MICU2: variants seen among roughly 807,000 people sequenced by gnomAD.
The protein encoded by MICU2 is calcium uptake protein 2, mitochondrial.
Under a neutral mutation model 60.4 loss-of-function variants are expected in MICU2, and 64 were observed. The observed-to-expected ratio is 1.06, with a 90% CI of 0.87 to 1.31. The LOEUF (loss-of-function observed/expected upper bound fraction) is 1.31. MICU2 is among the 50% of genes most tolerant of loss of function. The probability of loss-of-function intolerance (pLI) is 0.00; values close to 1 mark genes in which losing one functional copy is unlikely to be tolerated. For missense variants in MICU2, 569 were observed against 531.0 expected, an observed-to-expected ratio of 1.07 and a Z score of -0.70; for synonymous variants, 201 against 175.0, an observed-to-expected ratio of 1.15 and a Z score of -1.17.
chr13:21,546,758 T>C (rs1887428863), intron 2 of MICU2, among the ~76,000 whole-genome samples: 1 of 152,126 alleles, frequency 6.6e-6, no homozygotes, highest in African/African-American at 2.4e-5. Flanking sequence ...TAAGGATAGC[T>C]AGAGGCTTGC....
At chr13:21,567,980 C>T (rs1390516094) in intron 1 of MICU2, among the ~76,000 whole-genome samples, 1 of 152,174 alleles carries the variant, frequency 6.6e-6, no homozygotes, top group Non-Finnish European at 1.5e-5. Flanking sequence ...TGTCAATGCA[C>T]GAATCTTGAT....
At chr13:21,519,946 C>A (rs561761679) in intron 6 of MICU2, among the ~76,000 whole-genome samples, 4 of 152,324 alleles carry the variant, frequency 2.6e-5, no homozygotes, top group Admixed American at 2.6e-4. Flanking sequence ...AGTGTAGCCA[C>A]CACTCCAAAG....
chr13:21,546,122 T>C (rs1450952995), intron 2 of MICU2, among the ~76,000 whole-genome samples: 1 of 152,150 alleles, frequency 6.6e-6, no homozygotes, highest in Non-Finnish European at 1.5e-5. Context: ...ACAAAGTATA[T>C]GGCTTGTTTA....
At position 21,513,047 on chromosome 13, in the gene MICU2, CAT is replaced by C. The variant is rs200403861; in HGVS notation, c.663+1304_663+1305del. 6.4e-3 allele frequency among the ~76,000 whole-genome samples: 967 copies of C among 152,254 alleles called. 9 individuals carry two copies. Among genetic ancestry groups the C allele is most frequent in the African/African-American group, 0.022 (903 of 41,536 alleles). On this transcript the variant is annotated intron_variant, in intron 7 of 11. Transcript: ENST00000382374. ...TCCCTGGTGTTCACTGATATATACA[CAT>C]GACTGATTTTTGTACATTTTTCTTG...
chr13:21,493,672 T>C (rs1285982376), intron 11 of MICU2, among the ~76,000 whole-genome samples: 1 of 152,076 alleles, frequency 6.6e-6, no homozygotes, highest in African/African-American at 2.4e-5. Context: ...TACTTTATAA[T>C]GTTTTCCTTT....
chr13:21,513,790 A>G (rs985312194), intron 7 of MICU2, among the ~76,000 whole-genome samples: 44 of 150,636 alleles, frequency 2.9e-4, no homozygotes, highest in African/African-American at 9.5e-4. Context: ...ATTAAGTTAA[A>G]AAAGAAGAGT....
chr13:21,494,926 G>A lies in MICU2; in HGVS notation c.1200+235C>T, dbSNP rs59076779. ...TGCACAGTCTAGAGTGCAGTGGTGC[G>A]ATCGTAGCTCACAGTCACTTTAAAT... On this transcript the variant is annotated intron_variant, in intron 11 of 11. Coordinates refer to ENST00000382374, the MANE Select transcript of MICU2 (RefSeq NM_152726.3). Among the ~76,000 whole-genome samples the A allele has an allele frequency of 2.3e-3, 349 of 152,178 alleles. 3 individuals are homozygous for A. The highest frequency in any genetic ancestry group is 7.6e-3 in the African/African-American group (317 of 41,534).
At chr13:21,514,500 G>C in intron 6 of MICU2, 82 bp from the exon 7 acceptor site, 1 of 938,530 alleles carries the variant, frequency 1.1e-6, no homozygotes, top group Non-Finnish European at 1.7e-6. Flanking sequence ...CCAACTTATT[G>C]TTATAAAATA....
chr13:21,514,420 TAA>T lies in MICU2; in HGVS notation c.598-4_598-3del. 6.2e-7 allele frequency: 1 copy of T among 1,612,284 alleles called. No individual in the cohort carries two copies. Among genetic ancestry groups the T allele is most frequent in the South Asian group, 1.1e-5 (1 of 90,702 alleles). On this transcript the variant is annotated splice_polypyrimidine_tract_variant and splice_region_variant and intron_variant, in intron 6 of 11. Transcript: ENST00000382374. ...TTGTTTACTTATGATCTTCTGCAGC[TAA>T]AAAGATTACAAACATGAGTTTACAT...
rs1383590238 is a variant in MICU2 at position 21,580,582 on chromosome 13, G to GTACTCTTAAATATTTAAGAGT, written c.211-13659_211-13639dup. Among the ~76,000 whole-genome samples, 92 of 86,622 alleles carry GTACTCTTAAATATTTAAGAGT rather than the reference G, an allele frequency of 1.1e-3. 1 individual carries two copies. The highest frequency in any genetic ancestry group is 7.0e-3 in the South Asian group (15 of 2,134). 56.8% of individuals were successfully genotyped at this position (86,622 alleles called of 152,430 possible). A position where few individuals can be genotyped will look rare whatever the true frequency, so the allele number is the denominator to read the frequency against. On this transcript the variant is annotated intron_variant, in intron 1 of 11. Transcript: ENST00000382374. ...TCTCCAAACTTGAATTGCTTGTGAAGTACTCTTAAATATTTAAGAGTAACT... is the reference window on the plus strand; with the variant it reads ...TCTCCAAACTTGAATTGCTTGTGAAGTACTCTTAAATATTTAAGAGTTACTCTTAAATATTTAAGAGTAACT...
rs139881515 is a variant in MICU2 at position 21,532,021 on chromosome 13, A to G, written c.466+7281T>C. Among the ~76,000 whole-genome samples the G allele has an allele frequency of 2.8e-3, 430 of 152,316 alleles. 1 individual carries two copies. The highest frequency in any genetic ancestry group is 9.5e-3 in the African/African-American group (394 of 41,562). ...ACAATCTAACAGGATTCTCTGATGC[A>G]GACTAGCAGGAGGTATGAACACCCC... On this transcript the variant is annotated intron_variant, in intron 4 of 11. Coordinates refer to ENST00000382374, the MANE Select transcript of MICU2 (RefSeq NM_152726.3).
Position 21,494,821 on chromosome 13 carries a change from T to C in MICU2, c.1200+340A>G, listed in dbSNP as rs549105107. Among the ~76,000 whole-genome samples the C allele has an allele frequency of 1.3e-3, 197 of 152,276 alleles. 1 individual carries two copies. Among genetic ancestry groups the C allele is most frequent in the African/African-American group, 4.7e-3 (195 of 41,556 alleles). On this transcript the variant is annotated intron_variant, in intron 11 of 11. Coordinates refer to ENST00000382374, the MANE Select transcript of MICU2 (RefSeq NM_152726.3). ...CTGGGATTACAGATGTGAGCCACCA[T>C]GTCCAGCTAGGCTACATTTCTGAAT...
intron 8 of MICU2, among the ~76,000 whole-genome samples, chr13:21,509,063 A>G (rs770919168): frequency 1.6e-4 from 25 of 152,356 alleles, no homozygotes; most frequent in Admixed American, 3.3e-4. Context: ...ATTCAGCTGA[A>G]TAAGATGCAG....
In MICU2 at chr13:21,539,640, C is replaced by G. The variant is rs201089587; in HGVS notation, c.390+17G>C. 7 of 1,613,976 alleles carry G rather than the reference C, an allele frequency of 4.3e-6. No homozygotes were observed. Among genetic ancestry groups the G allele is most frequent in the African/African-American group, 1.3e-5 (1 of 74,922 alleles). On this transcript the variant is annotated intron_variant, in intron 3 of 11. Transcript: ENST00000382374. ...CTTACCAAAAACAAACCCTGCCCCC[C>G]ACAACATGATGCTTACCTTTTTTGT...
At chr13:21,532,169 TTTC>T (rs765769076) in intron 4 of MICU2, among the ~76,000 whole-genome samples, 8 of 152,238 alleles carry the variant, frequency 5.3e-5, no homozygotes, top group Non-Finnish European at 1.0e-4. Flanking sequence ...TCTACAGATT[TTTC>T]TTCTATCTGA....
chr13:21,510,194 G>A (rs1247103469), intron 7 of MICU2, 93 bp from the exon 8 acceptor site: 6 of 586,134 alleles, frequency 1.0e-5, no homozygotes, highest in Non-Finnish European at 1.5e-5. Flanking sequence ...ATCCAGAAAG[G>A]ATTCTTCTTA....
intron 1 of MICU2, among the ~76,000 whole-genome samples, chr13:21,590,211 C>T (rs1465741083): frequency 8.5e-5 from 13 of 152,120 alleles, no homozygotes; most frequent in Admixed American, 4.6e-4. Context: ...AAGTCACCTA[C>T]AAAGGGAAGC....
chr13:21,506,514 A>T (rs1209761799), intron 8 of MICU2, among the ~76,000 whole-genome samples: 2 of 152,180 alleles, frequency 1.3e-5, no homozygotes, highest in African/African-American at 4.8e-5. Context: ...TAGCCTGGAA[A>T]TGTGTCTTTT....
Position 21,578,453 on chromosome 13 carries a change from G to A in MICU2, c.211-11509C>T, listed in dbSNP as rs540992150. 3.9e-5 allele frequency among the ~76,000 whole-genome samples: 6 copies of A among 152,232 alleles called. 1 individual carries two copies. In the South Asian group the frequency reaches 1.2e-3, roughly 32 times the overall value. ...TATTTAAAAAATTAACTCAGGCATG[G>A]TAGCACATGTCCATGGTCCCAGCTA... On this transcript the variant is annotated intron_variant, in intron 1 of 11. Coordinates refer to ENST00000382374, the MANE Select transcript of MICU2 (RefSeq NM_152726.3).
Sources: allele counts gnomAD v4.1 joint callset (sites outside exome capture counted in the v4.1 genomes callset), GRCh38; gene constraint gnomAD v4.1.1; transcripts MANE v1.5; gene names NCBI Gene and HGNC (gene_info 2026-07-23, HGNC 2026-07-21).